Variants in CDH23 observed in about 807,000 individuals in gnomAD.
CDH23 encodes the protein cadherin-23.
CDH23 carries 189 observed loss-of-function variants against 317.1 expected under a neutral mutation model. The observed-to-expected ratio is 0.60, with a 90% CI of 0.53 to 0.67. The LOEUF is 0.67. Among genes scored for constraint, CDH23 ranks in the 30% least tolerant of loss-of-function variants. The pLI is 0.00. For missense variants in CDH23, 4,401 were observed against 4,592.4 expected (o/e 0.96, Z 1.20); for synonymous variants, 1,839 against 1,876.8 (o/e 0.98, Z 0.52).
Position 71,709,521 on chromosome 10 carries a change from C to T in CDH23, c.3220+310C>T, listed in dbSNP as rs926211047. Among the ~76,000 whole-genome samples, 10 of 152,318 alleles carry T rather than the reference C, an allele frequency of 6.6e-5. No individual in the cohort carries two copies. In the East Asian group the frequency reaches 1.9e-3, roughly 29 times the overall value. On this transcript the variant is annotated intron_variant, in intron 27 of 69. Transcript: ENST00000224721. ...GACATAAGAGTATTGGGCAGTGGTGCAAACACAGAGTGGGAGAGGTCACGG... is the reference window on the plus strand; with the variant it reads ...GACATAAGAGTATTGGGCAGTGGTGTAAACACAGAGTGGGAGAGGTCACGG...
At chr10:71,425,944 G>T (rs559857154) in intron 1 of CDH23, among the ~76,000 whole-genome samples, 1 of 152,298 alleles carries the variant, frequency 6.6e-6, no homozygotes, top group South Asian at 2.1e-4. Context: ...GAAGGTTTTG[G>T]GGTGCAAGGG....
chr10:71,582,494 A>G (rs531958471), intron 9 of CDH23, among the ~76,000 whole-genome samples: 1 of 152,340 alleles, frequency 6.6e-6, no homozygotes, highest in Admixed American at 6.5e-5. Context: ...CTACTAGAGA[A>G]TTTAAAATCC....
rs138113802 is a variant in CDH23, at chr10:71,584,578, G to A, written c.832+6586G>A. On this transcript the variant is annotated intron_variant, in intron 9 of 69. Transcript: ENST00000224721. ...TGTGTGTGTGTGTGTGTGTGTGTAC[G>A]CAGGGAGAATAATCAGATACAGTCA... is the stretch of plus-strand genomic sequence containing the variant. 2.9e-3 allele frequency among the ~76,000 whole-genome samples: 435 copies of A among 149,428 alleles called. 1 individual carries two copies. The highest frequency in any genetic ancestry group is 8.6e-3 in the African/African-American group (349 of 40,422).
At chr10:71,478,872 C>CA (rs1360207001) in intron 3 of CDH23, among the ~76,000 whole-genome samples, 1 of 152,092 alleles carries the variant, frequency 6.6e-6, no homozygotes, top group Non-Finnish European at 1.5e-5. Flanking sequence ...TGGCCAAAAA[C>CA]AAGGTCTTTT....
intron 36 of CDH23, among the ~76,000 whole-genome samples, chr10:71,740,032 A>G (rs1478280836): frequency 6.6e-6 from 1 of 152,220 alleles, no homozygotes; most frequent in East Asian, 1.9e-4. Flanking sequence ...AAGAGCCAGG[A>G]GGATGAGGGA....
intron 7 of CDH23, among the ~76,000 whole-genome samples, chr10:71,569,910 A>T (rs1857666883): frequency 6.6e-6 from 1 of 151,208 alleles, no homozygotes; most frequent in South Asian, 2.1e-4. Flanking sequence ...TTTTTTTGAG[A>T]TGGGGGTCTC....
intron 14 of CDH23, among the ~76,000 whole-genome samples, chr10:71,667,323 G>T (rs1279475229): frequency 6.7e-6 from 1 of 149,874 alleles, no homozygotes; most frequent in Non-Finnish European, 1.5e-5. Context: ...CTGGAGACAA[G>T]TAGGGGTGCT....
chr10:71,412,142 A>G (rs1848368332), intron 1 of CDH23, among the ~76,000 whole-genome samples: 1 of 152,208 alleles, frequency 6.6e-6, no homozygotes, highest in Admixed American at 6.5e-5. Flanking sequence ...GTATGAATTT[A>G]AGGCCTTTTA....
rs4747198 is a variant in CDH23 at position 71,808,649 on chromosome 10, C to A, written c.8722+642C>A. Among the ~76,000 whole-genome samples the A allele has an allele frequency of 2.7e-3, 414 of 152,026 alleles. 2 individuals are homozygous for A. The highest frequency in any genetic ancestry group is 9.4e-3 in the African/African-American group (390 of 41,454). ...GTGTCCCATTACCTTACTCCCAGCC[C>A]CAACCCCTTCCCCCTTCTTCTCCAT... On this transcript the variant is annotated intron_variant, in intron 60 of 69. Coordinates refer to ENST00000224721, the MANE Select transcript of CDH23 (RefSeq NM_022124.6).
intron 11 of CDH23, among the ~76,000 whole-genome samples, chr10:71,631,089 T>A (rs562399618): frequency 1.0e-3 from 152 of 151,962 alleles, no homozygotes; most frequent in Non-Finnish European, 1.8e-3. Context: ...TACAAAAAAA[T>A]TCAAAATTAG....
chr10:71,510,295 C>G, intron 4 of CDH23, 71 bp downstream of exon 4: 2 of 1,553,046 alleles, frequency 1.3e-6, no homozygotes, highest in South Asian at 1.2e-5. Context: ...GAAGGACGGC[C>G]CGCCATCTTT....
chr10:71,677,472 G>A lies in CDH23; in HGVS notation c.1531G>A (p.Asp511Asn). Residue 511 changes from aspartate (D) to asparagine (N), a missense_variant, in exon 16 of 70, where the codon GAC becomes AAC. Around this residue, in one of 3 missense-constraint regions of CDH23, gnomAD observed 3,068 missense variants for 3,203.3 expected, o/e 0.96. Coordinates refer to ENST00000224721, the MANE Select transcript of CDH23 (RefSeq NM_022124.6). Reference protein sequence around the residue: ...DDPDRFSLDKDTGLIMLIARL... With the variant: ...DDPDRFSLDKNTGLIMLIARL... ...CTGGCACAGGTTCTCGCTGGACAAG[G>A]ACACGGGACTCATCATGCTGATTGC... The A allele has an allele frequency of 6.2e-7, 1 of 1,609,170 alleles. No homozygotes were observed. The highest frequency in any genetic ancestry group is 1.1e-5 in the South Asian group (1 of 89,728).
chr10:71,755,362 G>T, intron 38 of CDH23: 2 of 1,607,660 alleles, frequency 1.2e-6, no homozygotes, highest in Non-Finnish European at 1.7e-6. Flanking sequence ...TACTCACGGC[G>T]GTTGGAGGCT....
At chr10:71,606,042 G>A (rs1860510949) in intron 9 of CDH23, among the ~76,000 whole-genome samples, 2 of 152,220 alleles carry the variant, frequency 1.3e-5, no homozygotes, top group African/African-American at 4.8e-5. Flanking sequence ...ATTGCTGTGG[G>A]TGGAAGAGTG....
In CDH23 at chr10:71,805,833, G is replaced by C. The variant is rs755525347; in HGVS notation, c.7900G>C (p.Glu2634Gln). 1.9e-6 allele frequency: 3 copies of C among 1,613,574 alleles called. No homozygotes were observed. The highest frequency in any genetic ancestry group is 2.2e-5 in the East Asian group (1 of 44,890). The change falls in exon 56 of 70, where the codon GAG (glutamate) becomes CAG (glutamine). Residue 2634 changes from glutamate to glutamine, a missense_variant. Glu to Gln is a conservative substitution (Grantham distance 29). This residue lies in a region of CDH23 where 1,144 missense variants were observed against 1,138.2 expected (regional missense o/e 1.01). Coordinates refer to ENST00000224721, the MANE Select transcript of CDH23 (RefSeq NM_022124.6). ...EEIPLRSNVYEVYATDKDEGL... is the reference protein window; with the variant it reads ...EEIPLRSNVYQVYATDKDEGL... ...GATCCCGCTGCGCTCCAACGTGTAC[G>C]AGGTCTACGCCACGGACAAGGATGA...
In CDH23 at chr10:71,803,225, C is replaced by T. The variant is rs2132978264; in HGVS notation, c.7677C>T (p.Asp2559=). 6.2e-7 allele frequency: 1 copy of T among 1,605,224 alleles called. No individual in the cohort carries two copies. The change falls in exon 55 of 70, where the codon GAC becomes GAT. Residue 2559 remains aspartate, a synonymous_variant. Coordinates refer to ENST00000224721, the MANE Select transcript of CDH23 (RefSeq NM_022124.6). ...EGPGVEAFHV[D]MDSGLVTTQR... is the part of the protein sequence containing the mutation. Reference sequence around the variant, plus strand: ...CACTGCCAGAGGCCTTCCATGTGGACATGGACTCGGGCTTGGTGACCACAC... The same window carrying T: ...CACTGCCAGAGGCCTTCCATGTGGATATGGACTCGGGCTTGGTGACCACAC...
At chr10:71,608,779 G>T (rs951392110) in intron 9 of CDH23, among the ~76,000 whole-genome samples, 1 of 152,242 alleles carries the variant, frequency 6.6e-6, no homozygotes, top group Non-Finnish European at 1.5e-5. Flanking sequence ...GGAGCCAGAG[G>T]TGGCAGAGCC....
chr10:71,609,203 T>G (rs1288618515), intron 9 of CDH23, among the ~76,000 whole-genome samples: 1 of 151,902 alleles, frequency 6.6e-6, no homozygotes, highest in East Asian at 1.9e-4. Context: ...AAGCTCCCCC[T>G]GCCCCACATG....
intron 1 of CDH23, among the ~76,000 whole-genome samples, chr10:71,399,925 A>G (rs1255847001): frequency 1.3e-5 from 2 of 152,002 alleles, no homozygotes; most frequent in Admixed American, 1.3e-4. Context: ...GAATTGAGCA[A>G]CTACTCTCCA....
Sources: allele counts gnomAD v4.1 joint callset (sites outside exome capture counted in the v4.1 genomes callset), GRCh38; gene constraint gnomAD v4.1.1; regional missense constraint gnomAD v4.1.1; transcripts MANE v1.5; gene names NCBI Gene and HGNC (gene_info 2026-07-23, HGNC 2026-07-21).